Variants in SPON1 observed in about 807,000 individuals in gnomAD.
SPON1 encodes spondin 1, also known as spondin-1.
A neutral mutation model predicts 111.7 loss-of-function variants in SPON1; 52 were observed. That is an observed-to-expected ratio of 0.47 (90% CI 0.37 to 0.59). The LOEUF is 0.59. Among genes scored for constraint, SPON1 ranks in the 20% least tolerant of loss-of-function variants. The probability of loss-of-function intolerance (pLI) is 0.00; values close to 1 mark genes in which losing one functional copy is unlikely to be tolerated. For missense variants in SPON1, 957 were observed against 1,068.5 expected (o/e 0.90, Z 1.46); for synonymous variants, 410 against 395.8 (o/e 1.04, Z -0.43).
At chr11:14,160,524 CATATATATATTTATATATATATTT>C (rs1368095988) in intron 6 of SPON1, among the ~76,000 whole-genome samples, 3 of 3,352 alleles carry the variant, frequency 8.9e-4, no homozygotes, top group South Asian at 0.014. Context: ...TATATATTTA[CATATATATATTTATATATATATTT>C]ATATATATAT....
chr11:14,120,964 C>T (rs868950222), intron 5 of SPON1, among the ~76,000 whole-genome samples: 5 of 152,118 alleles, frequency 3.3e-5, no homozygotes, highest in African/African-American at 1.2e-4. Context: ...ATCCTTAAGC[C>T]AGTAGGAGGT....
intron 6 of SPON1, among the ~76,000 whole-genome samples, chr11:14,162,292 C>A (rs1554931472): frequency 6.6e-6 from 1 of 152,034 alleles, no homozygotes; most frequent in Non-Finnish European, 1.5e-5. Context: ...ATAGGAATGT[C>A]TAGTTTGGTA....
intron 2 of SPON1, among the ~76,000 whole-genome samples, chr11:14,028,347 A>C (rs1554915618): frequency 6.6e-6 from 1 of 151,934 alleles, no homozygotes; most frequent in Non-Finnish European, 1.5e-5. Context: ...TTACCTCGGC[A>C]TGGTGGCGTG....
rs1383536185 is a variant in SPON1, at chr11:14,079,987, T to G, written c.642T>G (p.Asn214Lys). Residue 214 changes from asparagine to lysine, a missense_variant, in exon 5 of 16, where the codon AAT becomes AAG. By Grantham distance (94) the Asn-to-Lys change is moderately conservative. Coordinates refer to ENST00000576479, the MANE Select transcript of SPON1 (RefSeq NM_006108.4). ...TAKYRLTFYG[N>K]WSEKTHPKDY... ...AGTACAGACTCACATTTTATGGGAA[T>G]TGGTCCGAGAAGACACACCCAAAGG... The G allele has an allele frequency of 1.2e-6, 2 of 1,613,964 alleles. No individual in the cohort carries two copies. The highest frequency in any genetic ancestry group is 1.7e-6 in the Non-Finnish European group (2 of 1,179,874).
chr11:14,209,102 C>T (rs1231690010), intron 6 of SPON1, among the ~76,000 whole-genome samples: 4 of 151,856 alleles, frequency 2.6e-5, no homozygotes, highest in South Asian at 2.1e-4. Context: ...TTTTCGTTTT[C>T]TTATGGAGAG....
chr11:14,111,887 A>G (rs1025039767), intron 5 of SPON1, among the ~76,000 whole-genome samples: 9 of 152,308 alleles, frequency 5.9e-5, no homozygotes, highest in Admixed American at 5.9e-4. Context: ...ACAAAGTGAC[A>G]TGGAATTTCT....
intron 9 of SPON1, 30 bp downstream of exon 9, chr11:14,255,817 A>C (rs1554941163): frequency 8.7e-6 from 14 of 1,607,944 alleles, no homozygotes; most frequent in Non-Finnish European, 1.0e-5. Context: ...TCTGGCATCG[A>C]CCTTTCCCGG....
chr11:14,260,693 A>G lies in SPON1; in HGVS notation c.1937A>G (p.Glu646Gly). The G allele has an allele frequency of 6.2e-7, 1 of 1,613,986 alleles. No individual in the cohort carries two copies. Among genetic ancestry groups the G allele is most frequent in the South Asian group, 1.1e-5 (1 of 91,088 alleles). Residue 646 changes from glutamate to glycine, a missense_variant, in exon 14 of 16, where the codon GAA becomes GGA. This residue lies in a region of SPON1 where 549 missense variants were observed against 606.2 expected (regional missense o/e 0.91). Transcript: ENST00000576479. ...CAGCGGATGCTCAAGTCTCTGGCAG[A>G]ACTTGGAGACTGCAATGAGGATCTG... Reference protein sequence around the residue: ...TRQRMLKSLAELGDCNEDLEQ... With the variant: ...TRQRMLKSLAGLGDCNEDLEQ...
chr11:14,186,649 C>T (rs1848289053), intron 6 of SPON1, among the ~76,000 whole-genome samples: 1 of 152,234 alleles, frequency 6.6e-6, no homozygotes, highest in African/African-American at 2.4e-5. Flanking sequence ...GCTGTACCCA[C>T]CCTTTGCCAT....
At chr11:14,193,215 G>C (rs1564928109) in intron 6 of SPON1, among the ~76,000 whole-genome samples, 1 of 152,190 alleles carries the variant, frequency 6.6e-6, no homozygotes, top group Non-Finnish European at 1.5e-5. Context: ...AGCAAGTGTG[G>C]TGAGAAACAG....
chr11:14,223,922 G>A (rs1254855456), intron 6 of SPON1, among the ~76,000 whole-genome samples: 2 of 152,146 alleles, frequency 1.3e-5, no homozygotes. Context: ...CTGATGACGG[G>A]CTCTTTTATC....
intron 1 of SPON1, among the ~76,000 whole-genome samples, chr11:13,976,350 A>T (rs1848103634): frequency 6.6e-6 from 1 of 152,200 alleles, no homozygotes; most frequent in Non-Finnish European, 1.5e-5. Context: ...ATTTTAGGTT[A>T]TTACTGGGAC....
intron 6 of SPON1, among the ~76,000 whole-genome samples, chr11:14,186,950 C>T (rs1848291939): frequency 6.6e-6 from 1 of 152,180 alleles, no homozygotes; most frequent in Non-Finnish European, 1.5e-5. Context: ...GTCCACTTTG[C>T]ATTGCTATAA....
At chr11:14,081,160 C>G (rs1848959220) in intron 5 of SPON1, among the ~76,000 whole-genome samples, 1 of 152,122 alleles carries the variant, frequency 6.6e-6, no homozygotes, top group East Asian at 1.9e-4. Context: ...CAGGAGACCC[C>G]AAACTTACTA....
chr11:14,135,325 A>C lies in SPON1; in HGVS notation c.677-95A>C. 1.4e-6 allele frequency: 2 copies of C among 1,396,842 alleles called. No individual in the cohort carries two copies. Among genetic ancestry groups the C allele is most frequent in the Non-Finnish European group, 2.0e-6 (2 of 1,014,214 alleles). The allele number at this position is 1,396,842 out of a possible 1,614,324, so 86.5% of individuals were successfully genotyped here. A position where few individuals can be genotyped will look rare whatever the true frequency, so the allele number is the denominator to read the frequency against. ...ATAGGTGCTTAGTCAGTGCTCTTTG[A>C]ATCGATGTCCAATTACGCATCCTCC... On this transcript the variant is annotated intron_variant, in intron 5 of 15. Transcript: ENST00000576479. This position sits in a 1 kb window ranked among gnomAD's most constrained non-coding sequence, Gnocchi z 4.4.
intron 2 of SPON1, among the ~76,000 whole-genome samples, chr11:14,001,533 A>G (rs1848318953): frequency 6.6e-6 from 1 of 152,200 alleles, no homozygotes; most frequent in Non-Finnish European, 1.5e-5. Context: ...AAGGAAGTAA[A>G]AAAAGGCTAA....
At chr11:14,178,942 A>G (rs1848209812) in intron 6 of SPON1, among the ~76,000 whole-genome samples, 1 of 152,220 alleles carries the variant, frequency 6.6e-6, no homozygotes, top group South Asian at 2.1e-4. Context: ...ATTAATTTCA[A>G]TGACTTGAAT....
At chr11:14,068,763 G>A (rs782390168) in intron 3 of SPON1, among the ~76,000 whole-genome samples, 29 of 152,126 alleles carry the variant, frequency 1.9e-4, no homozygotes, top group African/African-American at 6.0e-4. Flanking sequence ...GCCACCCTCC[G>A]CTGAGTTGTA....
chr11:14,212,131 T>G (rs556208216), intron 6 of SPON1, among the ~76,000 whole-genome samples: 1 of 151,054 alleles, frequency 6.6e-6, no homozygotes, highest in South Asian at 2.1e-4. Context: ...TTTTTTTTTT[T>G]GCATTTCTTT....
Sources: gnomAD v4.1 joint callset for allele counts (sites outside exome capture counted in the v4.1 genomes callset) on GRCh38, gnomAD v4.1.1 for gene constraint, gnomAD v4.1.1 regional missense constraint, Gnocchi (gnomAD v3.1) non-coding constraint, MANE v1.5 for transcripts, NCBI Gene and HGNC (gene_info 2026-07-23, HGNC 2026-07-21) for gene names.